The following KCNJ6 variants were observed in gnomAD, a reference collection of about 807,000 sequenced individuals.
The protein encoded by KCNJ6 is G protein-activated inward rectifier potassium channel 2.
Under a neutral mutation model 34.2 loss-of-function variants are expected in KCNJ6, and 9 were observed. That is an observed-to-expected ratio of 0.26 (90% CI 0.16 to 0.46). The LOEUF is 0.46. Among genes scored for constraint, KCNJ6 ranks in the 20% least tolerant of loss-of-function variants. The pLI, the probability that KCNJ6 is intolerant of heterozygous loss-of-function variation, is 1.00. For missense variants in KCNJ6, 236 were observed against 531.3 expected (o/e 0.44, Z 5.46); for synonymous variants, 196 against 207.1 (o/e 0.95, Z 0.46).
intron 1 of KCNJ6, among the ~76,000 whole-genome samples, chr21:37,909,251 A>G (rs1203272426): frequency 6.6e-6 from 1 of 152,256 alleles, no homozygotes; most frequent in Non-Finnish European, 1.5e-5. Context: ...GAACTTTCTA[A>G]TTAATACAGT....
intron 2 of KCNJ6, among the ~76,000 whole-genome samples, chr21:37,725,822 G>A (rs867856928): frequency 4.6e-5 from 7 of 152,210 alleles, no homozygotes; most frequent in Non-Finnish European, 7.3e-5. Context: ...ATACCATGCA[G>A]TCATTAAAAA....
At chr21:37,775,458 T>G (rs1405536541) in intron 2 of KCNJ6, among the ~76,000 whole-genome samples, 7 of 152,260 alleles carry the variant, frequency 4.6e-5, no homozygotes, top group Admixed American at 6.5e-5. Context: ...TGCCTAGGTT[T>G]TCTTCTAGAG....
chr21:37,881,724 C>T (rs1235692774), intron 1 of KCNJ6, among the ~76,000 whole-genome samples: 2 of 152,150 alleles, frequency 1.3e-5, no homozygotes, highest in Admixed American at 1.3e-4. Flanking sequence ...TCATGATGGG[C>T]CCCACCTTCA....
intron 1 of KCNJ6, among the ~76,000 whole-genome samples, chr21:37,872,145 G>A (rs1489065873): frequency 1.3e-5 from 2 of 152,264 alleles, no homozygotes; most frequent in East Asian, 3.9e-4. Flanking sequence ...CACAGGGCAA[G>A]GCAGAAAAAC....
At chr21:37,913,381 G>A (rs1373681784) in intron 1 of KCNJ6, among the ~76,000 whole-genome samples, 2 of 152,214 alleles carry the variant, frequency 1.3e-5, no homozygotes, top group African/African-American at 4.8e-5. Context: ...TCACACGCAG[G>A]CTTGAAGATG....
At chr21:37,725,054 G>A (rs577493329) in intron 2 of KCNJ6, among the ~76,000 whole-genome samples, 1 of 151,646 alleles carries the variant, frequency 6.6e-6, no homozygotes, top group Non-Finnish European at 1.5e-5. Flanking sequence ...TAAAAAAACA[G>A]GAAAAATATT....
intron 3 of KCNJ6, among the ~76,000 whole-genome samples, chr21:37,650,489 C>T (rs889309614): frequency 3.3e-5 from 5 of 152,170 alleles, no homozygotes; most frequent in East Asian, 3.8e-4. Context: ...TCAACAAAGA[C>T]GGCAACTGGA....
At chr21:37,808,020 C>A (rs765993394) in intron 2 of KCNJ6, among the ~76,000 whole-genome samples, 16 of 152,150 alleles carry the variant, frequency 1.1e-4, no homozygotes, top group Non-Finnish European at 4.4e-5. Context: ...CCACTTATGG[C>A]CAATTGTGAC....
At chr21:37,796,329 G>T (rs1485792901) in intron 2 of KCNJ6, among the ~76,000 whole-genome samples, 2 of 152,142 alleles carry the variant, frequency 1.3e-5, no homozygotes, top group Non-Finnish European at 2.9e-5. Flanking sequence ...TAAAATAAAT[G>T]ACTCCATTAA....
At chr21:37,748,766 C>T (rs961145251) in intron 2 of KCNJ6, among the ~76,000 whole-genome samples, 4 of 152,188 alleles carry the variant, frequency 2.6e-5, no homozygotes, top group African/African-American at 9.7e-5. Context: ...TCATACTTGG[C>T]TTTGTAGCAC....
intron 1 of KCNJ6, among the ~76,000 whole-genome samples, chr21:37,859,763 A>G (rs2055585659): frequency 6.6e-6 from 1 of 151,920 alleles, no homozygotes; most frequent in Non-Finnish European, 1.5e-5. Flanking sequence ...GTTACAGTCA[A>G]CTAAAAAAAC....
intron 2 of KCNJ6, among the ~76,000 whole-genome samples, chr21:37,721,889 T>C (rs1450332277): frequency 1.3e-5 from 2 of 152,194 alleles, no homozygotes; most frequent in South Asian, 4.1e-4. Flanking sequence ...TGCTTCCTGA[T>C]GGACAAAGAC....
intron 2 of KCNJ6, among the ~76,000 whole-genome samples, chr21:37,819,667 A>C (rs903974647): frequency 2.0e-5 from 3 of 152,196 alleles, no homozygotes; most frequent in African/African-American, 4.8e-5. Context: ...AATGTTGTAA[A>C]TGACTGAAGG....
chr21:37,668,974 TC>T (rs1476390110), intron 3 of KCNJ6, among the ~76,000 whole-genome samples: 1 of 152,166 alleles, frequency 6.6e-6, no homozygotes, highest in Non-Finnish European at 1.5e-5. Flanking sequence ...TTCCAGGCCC[TC>T]CCAATCCAGA....
At position 37,791,439 on chromosome 21, in the gene KCNJ6, G is replaced by A. The variant is rs758296682; in HGVS notation, c.25+49219C>T. ...ACATTGAGCTGGGGCCAGGTTTGCC[G>A]GGGCTCTGGGAGAACAAGCACATTG... is the stretch of plus-strand genomic sequence containing the variant. On this transcript the variant is annotated intron_variant, in intron 2 of 3. Transcript: ENST00000609713. Among the ~76,000 whole-genome samples, 43 of 152,166 alleles carry A rather than the reference G, an allele frequency of 2.8e-4. 1 individual carries two copies. The highest frequency in any genetic ancestry group is 4.6e-4 in the African/African-American group (19 of 41,436).
intron 3 of KCNJ6, among the ~76,000 whole-genome samples, chr21:37,674,862 A>G (rs2054557599): frequency 6.6e-6 from 1 of 152,156 alleles, no homozygotes; most frequent in African/African-American, 2.4e-5. Flanking sequence ...AGCGCATAGC[A>G]TGAGGGCAAT....
intron 1 of KCNJ6, among the ~76,000 whole-genome samples, chr21:37,864,037 G>T (rs906847729): frequency 6.6e-6 from 1 of 151,648 alleles, no homozygotes; most frequent in African/African-American, 2.4e-5. Flanking sequence ...GCTTGAGGCC[G>T]GTTTCAGTCT....
At chr21:37,913,212 G>A (rs757465977) in intron 1 of KCNJ6, among the ~76,000 whole-genome samples, 14 of 152,216 alleles carry the variant, frequency 9.2e-5, no homozygotes, top group Non-Finnish European at 1.6e-4. Context: ...GAGAGCAGAA[G>A]GGCTTGATGG....
Position 37,607,563 on chromosome 21 carries a change from C to T in KCNJ6, c.*17596G>A, listed in dbSNP as rs2054228722. 6.7e-6 allele frequency: 1 copy of T among 149,844 alleles called. No homozygotes were observed. The highest frequency in any genetic ancestry group is 1.5e-5 in the Non-Finnish European group (1 of 67,760). The allele number at this position is 149,844 out of a possible 1,614,324, so 9.3% of individuals were successfully genotyped here. A position where few individuals can be genotyped will look rare whatever the true frequency, so the allele number is the denominator to read the frequency against. On this transcript the variant is annotated 3_prime_UTR_variant, in exon 4 of 4. Coordinates refer to ENST00000609713, the MANE Select transcript of KCNJ6 (RefSeq NM_002240.5). ...TGTGCTTTCGCATTGAGCATGCTTT[C>T]GTCTCATTGTCCGTGCACAGACATA...
Sources: gnomAD v4.1 joint callset for allele counts (sites outside exome capture counted in the v4.1 genomes callset) on GRCh38, gnomAD v4.1.1 for gene constraint, MANE v1.5 for transcripts, NCBI Gene and HGNC (gene_info 2026-07-23, HGNC 2026-07-21) for gene names.